COL19A1: variants seen among roughly 807,000 people sequenced by gnomAD.
COL19A1 encodes the protein collagen type XIX alpha 1 chain.
Under a neutral mutation model 190.2 loss-of-function variants are expected in COL19A1, and 159 were observed. The observed-to-expected ratio is 0.84, with a 90% CI of 0.73 to 0.95. COL19A1 has a LOEUF of 0.95. COL19A1 is among the 40% of genes least tolerant of loss of function. COL19A1 has a pLI of 0.00. For synonymous variants in COL19A1, 509 were observed against 458.9 expected, an observed-to-expected ratio of 1.11 and a Z score of -1.39; for missense variants, 1,418 against 1,431.9, an observed-to-expected ratio of 0.99 and a Z score of 0.16.
At chr6:69,938,286 A>T (rs946829542) in intron 9 of COL19A1, among the ~76,000 whole-genome samples, 186 bp downstream of exon 9, 1 of 152,126 alleles carries the variant, frequency 6.6e-6, no homozygotes, top group Non-Finnish European at 1.5e-5. Flanking sequence ...TTTTGAATTC[A>T]TATTGGTAGG....
chr6:69,962,743 T>C, intron 10 of COL19A1, 83 bp from the exon 11 acceptor site: 1 of 958,944 alleles, frequency 1.0e-6, no homozygotes, highest in Non-Finnish European at 1.5e-6. Flanking sequence ...TTTCATTGTT[T>C]GAAACATAAT....
chr6:69,870,754 AAC>A (rs1375793194), intron 1 of COL19A1, among the ~76,000 whole-genome samples: 1 of 152,170 alleles, frequency 6.6e-6, no homozygotes, highest in Admixed American at 6.5e-5. Flanking sequence ...AAATAAAGGG[AAC>A]AAGATGGAGA....
intron 4 of COL19A1, among the ~76,000 whole-genome samples, chr6:69,925,821 T>C (rs1582423892): frequency 6.6e-6 from 1 of 152,098 alleles, no homozygotes; most frequent in South Asian, 2.1e-4. Flanking sequence ...AAGTTGGATT[T>C]CTAGGTATTT....
chr6:69,987,784 TCTC>T (rs1338850303), intron 11 of COL19A1, among the ~76,000 whole-genome samples: 1 of 152,174 alleles, frequency 6.6e-6, no homozygotes, highest in Non-Finnish European at 1.5e-5. Flanking sequence ...CATTCTTCCT[TCTC>T]CTGGAGAGAG....
intron 7 of COL19A1, among the ~76,000 whole-genome samples, chr6:69,935,227 T>C (rs2150018576): frequency 6.6e-6 from 1 of 152,200 alleles, no homozygotes; most frequent in East Asian, 1.9e-4. Flanking sequence ...ACTGAATATG[T>C]GTCAAATCAA....
chr6:70,144,330 G>T, intron 24 of COL19A1, 67 bp downstream of exon 24: 1 of 1,377,076 alleles, frequency 7.3e-7, no homozygotes, highest in Non-Finnish European at 1.0e-6. Context: ...GGATCATAAG[G>T]GAGATGAAAG....
chr6:69,890,624 A>C (rs887923195), intron 2 of COL19A1: 1 of 152,254 alleles, frequency 6.6e-6, no homozygotes, highest in African/African-American at 2.4e-5. Flanking sequence ...ATAATTTTTT[A>C]GTATAAGTAT....
At chr6:70,107,623 C>T (rs932517786) in intron 16 of COL19A1, among the ~76,000 whole-genome samples, 1 of 152,140 alleles carries the variant, frequency 6.6e-6, no homozygotes, top group African/African-American at 2.4e-5. Context: ...CTTCTTTTCT[C>T]TCTTTACAGT....
At position 69,883,744 on chromosome 6, in the gene COL19A1, C is replaced by T. The variant is rs1173580330; in HGVS notation, c.91+4086C>T. On this transcript the variant is annotated intron_variant, in intron 2 of 50. Transcript: ENST00000620364. The stretch of plus-strand genomic sequence containing the variant: ...TTTTGTATTACCCAAGGAATGACCT[C>T]ATCCCCTGGCTTTTCCTAAGGCCAG... Among the ~76,000 whole-genome samples the T allele has an allele frequency of 2.0e-5, 3 of 152,282 alleles. No individual in the cohort carries two copies. In the East Asian group the frequency reaches 5.8e-4, roughly 29 times the overall value.
chr6:70,209,157 A>G lies in COL19A1; in HGVS notation c.*1883A>G, dbSNP rs1302764508. On this transcript the variant is annotated 3_prime_UTR_variant, in exon 51 of 51. Transcript: ENST00000620364. ...ATGGTAATTTATCCCGAAAAAGTGT[A>G]CATAGATCTAAAATTTGGTGCTATG... The G allele has an allele frequency of 6.6e-6, 1 of 152,576 alleles. No homozygotes were observed. Among genetic ancestry groups the G allele is most frequent in the Admixed American group, 6.5e-5 (1 of 15,284 alleles). The allele number at this position is 152,576 out of a possible 1,614,324, so 9.5% of individuals were successfully genotyped here.
chr6:69,971,352 AT>A (rs1331228320), intron 11 of COL19A1, among the ~76,000 whole-genome samples: 1 of 147,356 alleles, frequency 6.8e-6, no homozygotes, highest in Admixed American at 6.7e-5. Context: ...TAGCAAAATA[AT>A]TTTGATGGAA....
At chr6:70,099,085 T>C (rs1382232740) in intron 15 of COL19A1, among the ~76,000 whole-genome samples, 1 of 132,376 alleles carries the variant, frequency 7.6e-6, no homozygotes, top group East Asian at 2.2e-4. Context: ...AAAAAAAAAT[T>C]GAGAAAAAAA....
At chr6:70,201,976 A>C (rs1433835897) in intron 49 of COL19A1, among the ~76,000 whole-genome samples, 2 of 152,240 alleles carry the variant, frequency 1.3e-5, no homozygotes, top group Non-Finnish European at 2.9e-5. Flanking sequence ...CATGTAACTT[A>C]TAAGCTTTGC....
At chr6:70,141,749 A>G in intron 20 of COL19A1, 144 bp from the exon 21 acceptor site, 1 of 605,436 alleles carries the variant, frequency 1.7e-6, no homozygotes, top group Non-Finnish European at 3.0e-6. Context: ...ATGTTTTAGA[A>G]TGAACTCTCC....
chr6:70,104,373 T>G (rs1783821490), intron 16 of COL19A1, among the ~76,000 whole-genome samples: 1 of 152,138 alleles, frequency 6.6e-6, no homozygotes, highest in African/African-American at 2.4e-5. Context: ...AAGCACATCT[T>G]CACATGGCAG....
chr6:70,163,716 G>A (rs886295773), intron 36 of COL19A1, among the ~76,000 whole-genome samples: 3 of 152,154 alleles, frequency 2.0e-5, no homozygotes, highest in Non-Finnish European at 4.4e-5. Context: ...AAGTAATGTG[G>A]TGTCTACCAG....
chr6:70,095,479 A>G (rs536393335), intron 15 of COL19A1, among the ~76,000 whole-genome samples: 1 of 152,302 alleles, frequency 6.6e-6, no homozygotes, highest in South Asian at 2.1e-4. Context: ...TATTTATTAG[A>G]ACTACCATGT....
In COL19A1 at chr6:70,184,914, G is replaced by A. The variant is rs141121240; in HGVS notation, c.2855G>A (p.Arg952His). 9.3e-6 allele frequency: 15 copies of A among 1,611,870 alleles called. No homozygotes were observed. Among genetic ancestry groups the A allele is most frequent in the Middle Eastern group, 1.6e-4 (1 of 6,062 alleles). ...KPGDRGPKGE[R>H]GDQGIPGDRG... ...GGAGACAGAGGCCCCAAAGGAGAAC[G>A]TGTATGTATATTACTATTGTGATTG... Residue 952 changes from arginine (R) to histidine (H), a missense_variant and splice_region_variant, in exon 46 of 51, where the codon CGT becomes CAT. Physicochemically the swap from Arg to His is conservative, Grantham distance 29. Coordinates refer to ENST00000620364, the MANE Select transcript of COL19A1 (RefSeq NM_001858.6).
At chr6:69,909,032 C>G (rs1187410499) in intron 4 of COL19A1, among the ~76,000 whole-genome samples, 4 of 151,914 alleles carry the variant, frequency 2.6e-5, no homozygotes, top group Non-Finnish European at 4.4e-5. Context: ...AACTAAAGTT[C>G]CTATAGTAAG....
Sources: allele counts gnomAD v4.1 joint callset (sites outside exome capture counted in the v4.1 genomes callset), GRCh38; gene constraint gnomAD v4.1.1; transcripts MANE v1.5; gene names NCBI Gene and HGNC (gene_info 2026-07-23, HGNC 2026-07-21).